The following CLIP1 variants were observed in gnomAD, a reference collection of about 807,000 sequenced individuals.
CLIP1 encodes the protein CAP-Gly domain-containing linker protein 1.
A neutral mutation model predicts 161.6 loss-of-function variants in CLIP1; 66 were observed. That is an observed-to-expected ratio of 0.41 (90% CI 0.33 to 0.50). The LOEUF (loss-of-function observed/expected upper bound fraction) is 0.50. CLIP1 is among the 20% of genes least tolerant of loss of function. The probability of loss-of-function intolerance (pLI) is 0.27; values close to 1 mark genes in which losing one functional copy is unlikely to be tolerated. For synonymous variants in CLIP1, 598 were observed against 626.2 expected (o/e 0.96, Z 0.67); for missense variants, 1,376 against 1,702.0 (o/e 0.81, Z 3.37).
In CLIP1 at chr12:122,341,069, G is replaced by C; in HGVS notation, c.2135C>G (p.Ala712Gly). ...VIKEKENSLE[A>G]IRSKLDKAED... ...TGCTTTGTCCAGTTTCGACCTGATG[G>C]CTTCCAGACTGTTTTCCTTTTCTTT... is the stretch of plus-strand genomic sequence containing the variant. The change falls in exon 11 of 26, where the codon GCC (alanine) becomes GGC (glycine). Residue 712 changes from alanine (A) to glycine (G), a missense_variant. By Grantham distance (60) the Ala-to-Gly change is moderately conservative. Around this residue, in one of 6 missense-constraint regions of CLIP1, gnomAD observed 948 missense variants for 1,134.8 expected, o/e 0.84. Coordinates refer to ENST00000620786, the MANE Select transcript of CLIP1 (RefSeq NM_001247997.2). The C allele has an allele frequency of 1.2e-6, 2 of 1,613,792 alleles. No individual in the cohort carries two copies. The highest frequency in any genetic ancestry group is 1.7e-6 in the Non-Finnish European group (2 of 1,179,988).
At position 122,355,226 on chromosome 12, in the gene CLIP1, A is replaced by T. The variant is rs147210456; in HGVS notation, c.1092T>A (p.Ile364=). ...GATCCCGTTCCGCCAGCAGCTGCTC[A>T]ATGTGCTGCTGCTTCTCCTTCAGGG... ...QEALKEKQQH[I]EQLLAERDLE... is the part of the protein sequence containing the mutation. Residue 364 remains isoleucine (I), a synonymous_variant, in exon 6 of 26, where the codon ATT becomes ATA. Transcript: ENST00000620786. The surrounding 1 kb of genome is among the most constrained non-coding windows in gnomAD (Gnocchi z 4.1). 6.2e-7 allele frequency: 1 copy of T among 1,614,152 alleles called. No homozygotes were observed. The highest frequency in any genetic ancestry group is 1.3e-5 in the African/African-American group (1 of 75,042).
Position 122,327,593 on chromosome 12 carries a change from T to G in CLIP1, c.3249+354A>C, listed in dbSNP as rs558459627. On this transcript the variant is annotated intron_variant, in intron 17 of 25. Transcript: ENST00000620786. ...ATCGCAACATCTCTCCAAACCCTAG[T>G]GCAAGGCAGCAACAAGCACGGCCAA... 2.0e-5 allele frequency among the ~76,000 whole-genome samples: 3 copies of G among 151,932 alleles called. No individual in the cohort carries two copies. In the East Asian group the frequency reaches 5.8e-4, roughly 29 times the overall value.
At chr12:122,386,119 C>T (rs113671298) in intron 1 of CLIP1, among the ~76,000 whole-genome samples, 11,813 of 152,010 alleles carry the variant, frequency 0.078, 1,498 homozygotes, top group African/African-American at 0.27. Context: ...AACCCCATCT[C>T]TACTAAAAAT....
Position 122,354,912 on chromosome 12 carries a change from G to A in CLIP1, c.1203+203C>T, listed in dbSNP as rs543451804. 7.3e-5 allele frequency: 44 copies of A among 604,972 alleles called. 1 individual carries two copies. The highest frequency in any genetic ancestry group is 4.8e-4 in the African/African-American group (26 of 54,012). 37.5% of individuals were successfully genotyped at this position (604,972 alleles called of 1,614,324 possible). ...GACACAAAGACCAAACACTAAGGTC[G>A]AATCAAGAACAAAACTTCATCTCTG... On this transcript the variant is annotated intron_variant, in intron 6 of 25. Transcript: ENST00000620786.
intron 21 of CLIP1, 109 bp downstream of exon 21, chr12:122,288,379 AT>A (rs1464246574): frequency 7.4e-6 from 7 of 943,180 alleles, no homozygotes; most frequent in Non-Finnish European, 7.8e-6. Context: ...TCACAATGCC[AT>A]TTTCTGAATC....
At chr12:122,390,306 A>ATATG (rs1555280710) in intron 1 of CLIP1, among the ~76,000 whole-genome samples, 1 of 128,058 alleles carries the variant, frequency 7.8e-6, no homozygotes, top group Non-Finnish European at 1.7e-5. Flanking sequence ...ATATATATGT[A>ATATG]TATATATATA....
chr12:122,349,777 G>T (rs941580471), intron 9 of CLIP1, among the ~76,000 whole-genome samples: 1 of 152,226 alleles, frequency 6.6e-6, no homozygotes, highest in East Asian at 1.9e-4. Flanking sequence ...ACTGACACCG[G>T]GGGCAGCGGG....
At chr12:122,382,236 C>T (rs112579108) in intron 1 of CLIP1, among the ~76,000 whole-genome samples, 2,998 of 152,052 alleles carry the variant, frequency 0.02, 68 homozygotes, top group African/African-American at 0.049. Flanking sequence ...TGGTGCATGC[C>T]TATAATCCCA....
rs549648876 is a variant in CLIP1, at chr12:122,320,374, G to A, written c.3250-1026C>T. The stretch of plus-strand genomic sequence containing the variant: ...TCCCAGCTACTCAGGGAGCTGAGAC[G>A]GGAGGATTGCTTGAGCCCAGGAGGT... On this transcript the variant is annotated intron_variant, in intron 17 of 25. Transcript: ENST00000620786. 4.1e-4 allele frequency among the ~76,000 whole-genome samples: 62 copies of A among 152,162 alleles called. 1 individual carries two copies. Among genetic ancestry groups the A allele is most frequent in the African/African-American group, 1.3e-3 (53 of 41,528 alleles).
chr12:122,350,276 C>T (rs1229079078), intron 9 of CLIP1, among the ~76,000 whole-genome samples: 1 of 152,030 alleles, frequency 6.6e-6, no homozygotes, highest in African/African-American at 2.4e-5. Flanking sequence ...CTTTAATTTC[C>T]GTCTTATGTG....
intron 1 of CLIP1, among the ~76,000 whole-genome samples, chr12:122,394,951 A>T (rs1297835684): frequency 6.6e-6 from 1 of 152,096 alleles, no homozygotes; most frequent in African/African-American, 2.4e-5. Context: ...TTTTCTTCCA[A>T]CTCCAACTGA....
chr12:122,405,583 G>A (rs891634635), intron 1 of CLIP1, among the ~76,000 whole-genome samples: 76 of 152,010 alleles, frequency 5.0e-4, no homozygotes, highest in African/African-American at 1.8e-3. Flanking sequence ...GAGGTGAAGA[G>A]TTCAAGACCA....
intron 17 of CLIP1, among the ~76,000 whole-genome samples, chr12:122,321,395 G>A (rs2649631): frequency 1.3e-5 from 2 of 151,836 alleles, no homozygotes; most frequent in East Asian, 1.9e-4. Context: ...ATAAGCGCAC[G>A]CCACCACGCC....
At chr12:122,287,185 T>C (rs917111367) in intron 21 of CLIP1, among the ~76,000 whole-genome samples, 1 of 151,636 alleles carries the variant, frequency 6.6e-6, no homozygotes, top group African/African-American at 2.4e-5. Context: ...AAAAAATAAA[T>C]TAAAAAAAGA....
chr12:122,342,854 A>T (rs2136358661), intron 10 of CLIP1: 1 of 151,144 alleles, frequency 6.6e-6, no homozygotes, highest in Non-Finnish European at 1.5e-5. Context: ...AACTGAAATT[A>T]TATTTTAAAA....
intron 14 of CLIP1, 39 bp downstream of exon 14, chr12:122,333,988 A>T: frequency 8.0e-7 from 1 of 1,245,886 alleles, no homozygotes; most frequent in Admixed American, 1.7e-5. Flanking sequence ...GGGAAAGCCT[A>T]CTGTATTTAA....
intron 4 of CLIP1, among the ~76,000 whole-genome samples, chr12:122,362,451 T>G (rs1017262557): frequency 9.3e-5 from 14 of 149,786 alleles, no homozygotes; most frequent in African/African-American, 2.7e-4. Flanking sequence ...GACCATCCTG[T>G]CCAACATGGT....
At chr12:122,276,441 T>C in intron 24 of CLIP1, 4 of 1,282,126 alleles carry the variant, frequency 3.1e-6, no homozygotes, top group Non-Finnish European at 4.1e-6. Context: ...AAACGAACCA[T>C]TTGCTGATTG....
intron 1 of CLIP1, among the ~76,000 whole-genome samples, chr12:122,404,638 T>C (rs1004192754): frequency 1.0e-4 from 15 of 150,290 alleles, no homozygotes; most frequent in African/African-American, 2.9e-4. Flanking sequence ...GGCTCACGCC[T>C]GTAATCCCAG....
Sources: gnomAD v4.1 joint callset for allele counts (sites outside exome capture counted in the v4.1 genomes callset) on GRCh38, gnomAD v4.1.1 for gene constraint, gnomAD v4.1.1 regional missense constraint, Gnocchi (gnomAD v3.1) non-coding constraint, MANE v1.5 for transcripts, NCBI Gene and HGNC (gene_info 2026-07-23, HGNC 2026-07-21) for gene names.